The following SYNE1 variants were observed in gnomAD, a reference collection of about 807,000 sequenced individuals.
The protein encoded by SYNE1 is spectrin repeat containing nuclear envelope protein 1, also known as nesprin-1.
SYNE1 carries 616 observed loss-of-function variants against 1,111.0 expected under a neutral mutation model. The ratio of observed to expected loss-of-function variants is 0.55; its 90% confidence interval spans 0.52 to 0.59. SYNE1 has a LOEUF of 0.59. SYNE1 is among the 20% of genes least tolerant of loss of function. The pLI is 0.00. For missense variants in SYNE1, 10,006 were observed against 10,417.0 expected (o/e 0.96, Z 1.72); for synonymous variants, 3,855 against 3,825.8 (o/e 1.01, Z -0.28).
rs79680388 is a variant in SYNE1 at position 152,400,228 on chromosome 6, A to C, written c.7030-405T>G. 1.1e-3 allele frequency among the ~76,000 whole-genome samples: 165 copies of C among 152,304 alleles called. 1 individual carries two copies. Among genetic ancestry groups the C allele is most frequent in the Non-Finnish European group, 1.4e-3 (92 of 68,024 alleles). On this transcript the variant is annotated intron_variant, in intron 47 of 145. Coordinates refer to ENST00000367255, the MANE Select transcript of SYNE1 (RefSeq NM_182961.4). ...AAGCACCAGTAGTTAATTTAAAAAA[A>C]AAAAAGGAAAAAAGACCTCAGTTTC... is the stretch of plus-strand genomic sequence containing the variant.
intron 11 of SYNE1, among the ~76,000 whole-genome samples, chr6:152,497,928 T>G (rs2099008579): frequency 6.6e-6 from 1 of 152,172 alleles, no homozygotes; most frequent in South Asian, 2.1e-4. Context: ...CACTTTATTG[T>G]TTTTCTTTCT....
chr6:152,610,336 C>T (rs2099627768), intron 3 of SYNE1, among the ~76,000 whole-genome samples: 1 of 152,080 alleles, frequency 6.6e-6, no homozygotes, highest in Non-Finnish European at 1.5e-5. Flanking sequence ...GGCATGAGAA[C>T]TTCGAGATGC....
At chr6:152,542,203 T>C (rs2099274373) in intron 3 of SYNE1, among the ~76,000 whole-genome samples, 1 of 152,154 alleles carries the variant, frequency 6.6e-6, no homozygotes, top group African/African-American at 2.4e-5. Flanking sequence ...TCTACTAGAA[T>C]GTAAAGCCCA....
chr6:152,239,459 A>G (rs1367729081), intron 108 of SYNE1, 74 bp downstream of exon 108: 2 of 1,583,012 alleles, frequency 1.3e-6, no homozygotes, highest in Admixed American at 3.3e-5. Context: ...GCATGGATAG[A>G]TACATCTTGC....
Position 152,164,242 on chromosome 6 carries a change from A to G in SYNE1, c.23711T>C (p.Ile7904Thr). Residue 7904 changes from isoleucine to threonine, a missense_variant, in exon 131 of 146, where the codon ATC becomes ACC. Around this residue, in one of 7 missense-constraint regions of SYNE1, gnomAD observed 2,182 missense variants for 2,287.8 expected, o/e 0.95. Coordinates refer to ENST00000367255, the MANE Select transcript of SYNE1 (RefSeq NM_182961.4). ...MSSLRTWLAH[I>T]ESELAKPIVY... ...TATTGGCTTGGCCAGCTCTGACTCGATGTGAGCGAGCCAGGTCCTCAGGCT... is the reference window on the plus strand; with the variant it reads ...TATTGGCTTGGCCAGCTCTGACTCGGTGTGAGCGAGCCAGGTCCTCAGGCT... 1.2e-6 allele frequency: 2 copies of G among 1,614,110 alleles called. No homozygotes were observed.
intron 131 of SYNE1, 99 bp downstream of exon 131, chr6:152,164,064 C>T (rs2063103813): frequency 2.0e-6 from 3 of 1,530,766 alleles, no homozygotes; most frequent in African/African-American, 1.4e-5. Context: ...CCCTGCTGAC[C>T]TTCCATCTCC....
intron 125 of SYNE1, among the ~76,000 whole-genome samples, chr6:152,207,660 T>C (rs1486339321): frequency 6.6e-6 from 1 of 152,226 alleles, no homozygotes; most frequent in Non-Finnish European, 1.5e-5. Context: ...AAGAATAAAA[T>C]GTATGCAAGC....
At position 152,484,895 on chromosome 6, in the gene SYNE1, G is replaced by T. The variant is rs569973824; in HGVS notation, c.1125C>A (p.Asp375Glu). ...ATGCTTGGTCAAGTGACAATTTACCGTCTCTGTGTAATGGTTGTATTAAAT... is the reference window on the plus strand; with the variant it reads ...ATGCTTGGTCAAGTGACAATTTACCTTCTCTGTGTAATGGTTGTATTAAAT... ...IEHLIQPLHR[D>E]GKLSLDQALV... Residue 375 changes from aspartate (D) to glutamate (E), a missense_variant, in exon 13 of 146, where the codon GAC becomes GAA. Physicochemically the swap from Asp to Glu is conservative, Grantham distance 45. Around this residue, in one of 7 missense-constraint regions of SYNE1, gnomAD observed 1,971 missense variants for 2,084.1 expected, o/e 0.95. Transcript: ENST00000367255. 1 of 1,613,708 alleles carries T rather than the reference G, an allele frequency of 6.2e-7. No homozygotes were observed. The highest frequency in any genetic ancestry group is 8.5e-7 in the Non-Finnish European group (1 of 1,179,880).
intron 66 of SYNE1, among the ~76,000 whole-genome samples, chr6:152,357,444 G>A (rs913062412): frequency 6.6e-5 from 10 of 152,158 alleles, no homozygotes; most frequent in African/African-American, 1.4e-4. Flanking sequence ...CAGGACTGAT[G>A]GCACATTTGT....
Position 152,180,142 on chromosome 6 carries a change from G to C in SYNE1, c.23454C>G (p.Leu7818=), listed in dbSNP as rs1431912901. ...GTAGCCATGCATTCCATACCTTCTT[G>C]AGCTTCTCTATCATTTCTTCAATGA... is the stretch of plus-strand genomic sequence containing the variant. ...DILIEEMIEK[L]KKDYQEEIAI... The change falls in exon 129 of 146, where the codon CTC becomes CTG. Residue 7818 remains leucine, a synonymous_variant. Coordinates refer to ENST00000367255, the MANE Select transcript of SYNE1 (RefSeq NM_182961.4). 2 of 1,614,040 alleles carry C rather than the reference G, an allele frequency of 1.2e-6. No homozygotes were observed. The highest frequency in any genetic ancestry group is 3.3e-4 in the Middle Eastern group (2 of 6,060).
intron 143 of SYNE1, among the ~76,000 whole-genome samples, 167 bp from the exon 144 acceptor site, chr6:152,132,381 C>T (rs949321857): frequency 6.6e-6 from 1 of 152,186 alleles, no homozygotes; most frequent in African/African-American, 2.4e-5. Context: ...AAGAATAGGG[C>T]CAAATTCTTC....
intron 43 of SYNE1, 60 bp from the exon 44 acceptor site, chr6:152,409,286 C>T (rs1334975305): frequency 7.8e-6 from 12 of 1,530,420 alleles, no homozygotes; most frequent in Non-Finnish European, 7.2e-6. Flanking sequence ...GAGTTTAAAA[C>T]CATTTGTCTC....
intron 66 of SYNE1, among the ~76,000 whole-genome samples, chr6:152,355,790 AT>A (rs2096826711): frequency 6.6e-6 from 1 of 152,214 alleles, no homozygotes; most frequent in African/African-American, 2.4e-5. Flanking sequence ...AATGTTAAAA[AT>A]ATCAGTATAT....
In SYNE1 at chr6:152,353,702, C is replaced by T; in HGVS notation, c.10969G>A (p.Glu3657Lys). 1 of 1,614,160 alleles carries T rather than the reference C, an allele frequency of 6.2e-7. No homozygotes were observed. Among genetic ancestry groups the T allele is most frequent in the Non-Finnish European group, 8.5e-7 (1 of 1,180,044 alleles). ...ATCTCCTGAGCTCTAGCTCCCACTTCCTCAACTTCATCTCTGTATGCAGTC... is the reference window on the plus strand; with the variant it reads ...ATCTCCTGAGCTCTAGCTCCCACTTTCTCAACTTCATCTCTGTATGCAGTC... Reference protein sequence around the residue: ...EVTAYRDEVEEVGARAQEILD... With the variant: ...EVTAYRDEVEKVGARAQEILD... Residue 3657 changes from glutamate (E) to lysine (K), a missense_variant, in exon 68 of 146, where the codon GAA (glutamate) becomes AAA (lysine). By Grantham distance (56) the Glu-to-Lys change is moderately conservative. Transcript: ENST00000367255.
intron 3 of SYNE1, among the ~76,000 whole-genome samples, chr6:152,585,361 T>G (rs927615289): frequency 5.9e-5 from 9 of 152,242 alleles, no homozygotes; most frequent in African/African-American, 2.2e-4. Flanking sequence ...TTAACAACTT[T>G]GTGGTCTAGT....
Position 152,558,610 on chromosome 6 carries a change from A to G in SYNE1, c.68-18589T>C, listed in dbSNP as rs957419333. On this transcript the variant is annotated intron_variant, in intron 3 of 145. Transcript: ENST00000367255. ...AAAGAGACAAAGAAGATCATTATAT[A>G]ATGACAAAAGGATCAATTCATCAAG... Among the ~76,000 whole-genome samples the G allele has an allele frequency of 5.9e-5, 9 of 152,342 alleles. No homozygotes were observed. In the Middle Eastern group the frequency reaches 0.01, roughly 173 times the overall value.
chr6:152,150,769 C>A (rs751280050), intron 135 of SYNE1, among the ~76,000 whole-genome samples: 1 of 152,110 alleles, frequency 6.6e-6, no homozygotes, highest in African/African-American at 2.4e-5. Flanking sequence ...GTGAAAAATA[C>A]AAAATGTGTT....
At chr6:152,215,122 A>G (rs2153438727) in intron 121 of SYNE1, 62 bp from the exon 122 acceptor site, 1 of 1,583,238 alleles carries the variant, frequency 6.3e-7, no homozygotes, top group African/African-American at 1.3e-5. Context: ...ACTTTTTCAA[A>G]GTGCGCAGTG....
At position 152,435,969 on chromosome 6, in the gene SYNE1, T is replaced by C. The variant is rs1233642866; in HGVS notation, c.4282A>G (p.Lys1428Glu). The change falls in exon 33 of 146, where the codon AAA (lysine) becomes GAA (glutamate). Residue 1428 changes from lysine (K) to glutamate (E), a missense_variant. This residue lies in a region of SYNE1 where 1,971 missense variants were observed against 2,084.1 expected (regional missense o/e 0.95). Transcript: ENST00000367255. ...QQAKSIKEQV[K>E]KLEDTLEEDI... The stretch of plus-strand genomic sequence containing the variant: ...TCTTCAAGCGTGTCTTCTAATTTTT[T>C]GACTTGTTCTTTGATTGACTTGGCC... 3.1e-6 allele frequency: 5 copies of C among 1,614,162 alleles called. No individual in the cohort carries two copies. Among genetic ancestry groups the C allele is most frequent in the Non-Finnish European group, 4.2e-6 (5 of 1,180,014 alleles).
Sources: allele counts gnomAD v4.1 joint callset (sites outside exome capture counted in the v4.1 genomes callset), GRCh38; gene constraint gnomAD v4.1.1; regional missense constraint gnomAD v4.1.1; transcripts MANE v1.5; gene names NCBI Gene and HGNC (gene_info 2026-07-23, HGNC 2026-07-21).